Variants in TACC2 observed in about 807,000 individuals in gnomAD.
TACC2 encodes transforming acidic coiled-coil-containing protein 2.
Under a neutral mutation model 227.3 loss-of-function variants are expected in TACC2, and 137 were observed. The ratio of observed to expected loss-of-function variants is 0.60; its 90% CI spans 0.52 to 0.69. The LOEUF (loss-of-function observed/expected upper bound fraction) is 0.69. Among genes scored for constraint, TACC2 ranks in the 30% least tolerant of loss-of-function variants. The pLI is 0.00. For synonymous variants in TACC2, 1,523 were observed against 1,487.5 expected (o/e 1.02, Z -0.55); for missense variants, 3,470 against 3,694.4 (o/e 0.94, Z 1.57).
Position 122,110,223 on chromosome 10 carries a change from C to G in TACC2, c.5573+21632C>G, listed in dbSNP as rs2083426837. On this transcript the variant is annotated intron_variant, in intron 5 of 22. Transcript: ENST00000369005. Reference sequence around the variant, plus strand: ...AGCCATGGATGCAATTTCTAAGGCACGTGTTGCTGCCTGCAAGTCAGTCTT... The same window carrying G: ...AGCCATGGATGCAATTTCTAAGGCAGGTGTTGCTGCCTGCAAGTCAGTCTT... 2.0e-5 allele frequency among the ~76,000 whole-genome samples: 3 copies of G among 152,178 alleles called. 1 individual carries two copies. The highest frequency in any genetic ancestry group is 2.0e-4 in the Admixed American group (3 of 15,272).
chr10:122,172,513 C>A (rs151238936), intron 7 of TACC2, among the ~76,000 whole-genome samples: 5 of 152,320 alleles, frequency 3.3e-5, no homozygotes, highest in Non-Finnish European at 7.4e-5. Context: ...GCACATTGTT[C>A]ATTGTTCTGC....
chr10:122,126,354 T>A (rs2086875715), intron 5 of TACC2, among the ~76,000 whole-genome samples: 1 of 47,918 alleles, frequency 2.1e-5, no homozygotes. Flanking sequence ...GTGTTTGATG[T>A]TCAAATAGTC....
At chr10:122,139,728 C>T (rs923314471) in intron 6 of TACC2, among the ~76,000 whole-genome samples, 3 of 152,148 alleles carry the variant, frequency 2.0e-5, no homozygotes, top group Non-Finnish European at 2.9e-5. Flanking sequence ...AATCAAGAGG[C>T]CTGGGAGGAA....
intron 18 of TACC2, among the ~76,000 whole-genome samples, chr10:122,239,794 G>A (rs2095945223): frequency 6.6e-6 from 1 of 152,180 alleles, no homozygotes; most frequent in Non-Finnish European, 1.5e-5. Flanking sequence ...TGGTGCAGAT[G>A]TACCGGCATT....
chr10:122,236,788 C>G (rs929888758), intron 16 of TACC2, among the ~76,000 whole-genome samples: 1 of 152,202 alleles, frequency 6.6e-6, no homozygotes, highest in Non-Finnish European at 1.5e-5. Flanking sequence ...AGAACTCTTA[C>G]ATAACTCTAA....
chr10:121,992,113 A>C (rs1227150242), intron 1 of TACC2, among the ~76,000 whole-genome samples: 1 of 152,196 alleles, frequency 6.6e-6, no homozygotes, highest in Non-Finnish European at 1.5e-5. Context: ...GCCAAACTGC[A>C]TCACCATTTC....
At chr10:122,047,008 A>G (rs572381602) in intron 2 of TACC2, among the ~76,000 whole-genome samples, 1 of 152,270 alleles carries the variant, frequency 6.6e-6, no homozygotes, top group African/African-American at 2.4e-5. Context: ...TAGATAAAGA[A>G]TCTTGGCCGG....
chr10:122,222,579 A>C (rs2095542624), intron 11 of TACC2, among the ~76,000 whole-genome samples: 3 of 152,228 alleles, frequency 2.0e-5, no homozygotes, highest in African/African-American at 4.8e-5. Flanking sequence ...GACACAGGAC[A>C]GTGGGAAGGG....
At chr10:122,157,576 C>G (rs2092568667) in intron 7 of TACC2, among the ~76,000 whole-genome samples, 1 of 151,722 alleles carries the variant, frequency 6.6e-6, no homozygotes, top group Non-Finnish European at 1.5e-5. Flanking sequence ...TAGTGGTTGC[C>G]CTTTTTGCTT....
intron 16 of TACC2, among the ~76,000 whole-genome samples, chr10:122,233,349 C>G (rs2141509265): frequency 6.6e-6 from 1 of 152,302 alleles, no homozygotes; most frequent in Non-Finnish European, 1.5e-5. Context: ...GGCTGTGGGC[C>G]TTTCTGGATT....
rs188251484 is a variant in TACC2 at position 122,229,992 on chromosome 10, A to G, written c.8038-359A>G. Among the ~76,000 whole-genome samples, 34 of 152,344 alleles carry G rather than the reference A, an allele frequency of 2.2e-4. No individual in the cohort carries two copies. The East Asian group carries it at 6.0e-3, about 27-fold the overall frequency. ...AAACCTAGAGAGATTGTTAACAGCCATCTGAGAGATGCAGCTCCATTCATG... is the reference window on the plus strand; with the variant it reads ...AAACCTAGAGAGATTGTTAACAGCCGTCTGAGAGATGCAGCTCCATTCATG... On this transcript the variant is annotated intron_variant, in intron 15 of 22. Transcript: ENST00000369005.
chr10:122,196,554 C>T (rs2094572106), intron 8 of TACC2, among the ~76,000 whole-genome samples: 1 of 152,172 alleles, frequency 6.6e-6, no homozygotes, highest in African/African-American at 2.4e-5. Flanking sequence ...TGCATCTCTT[C>T]CTTTATTTTG....
At chr10:122,121,421 G>C (rs764950425) in intron 5 of TACC2, among the ~76,000 whole-genome samples, 3 of 152,182 alleles carry the variant, frequency 2.0e-5, no homozygotes, top group Admixed American at 6.5e-5. Context: ...TTTCAAGGTT[G>C]TACAGCTCTT....
intron 7 of TACC2, among the ~76,000 whole-genome samples, chr10:122,171,275 G>T (rs952911393): frequency 6.6e-6 from 1 of 152,028 alleles, no homozygotes; most frequent in Non-Finnish European, 1.5e-5. Flanking sequence ...AAATGGAAGT[G>T]GATGGATGCA....
chr10:122,082,650 T>G lies in TACC2; in HGVS notation c.150T>G (p.Ile50Met). The part of the protein sequence containing the change: ...GSPDHRDASS[I>M]GSVGLGGFCT... ...ATGAAACATTAAATATTTTCAGCAT[T>G]GGCAGCGTTGGGCTTGGAGGCTTCT... The change falls in exon 4 of 23, where the codon ATT becomes ATG. Residue 50 changes from isoleucine to methionine, a missense_variant. By Grantham distance (10) the Ile-to-Met change is conservative (BLOSUM62 1). Coordinates refer to ENST00000369005, the MANE Select transcript of TACC2 (RefSeq NM_206862.4). 6.2e-7 allele frequency: 1 copy of G among 1,603,652 alleles called. No homozygotes were observed. The highest frequency in any genetic ancestry group is 8.5e-7 in the Non-Finnish European group (1 of 1,173,780).
In TACC2 at chr10:122,246,251, A is replaced by G. The variant is rs186820611; in HGVS notation, c.8393-2392A>G. On this transcript the variant is annotated intron_variant, in intron 19 of 22. Coordinates refer to ENST00000369005, the MANE Select transcript of TACC2 (RefSeq NM_206862.4). ...AAGCCCTTCAGCTGAATAAATCCAC[A>G]CTCACGTGGGAGAGTTTTTGGAAAT... Among the ~76,000 whole-genome samples the G allele has an allele frequency of 2.6e-4, 40 of 152,068 alleles. 1 individual carries two copies. The highest frequency in any genetic ancestry group is 3.7e-4 in the Non-Finnish European group (25 of 68,000).
chr10:122,014,382 T>C (rs1591047038), intron 1 of TACC2, among the ~76,000 whole-genome samples: 1 of 152,214 alleles, frequency 6.6e-6, no homozygotes, highest in South Asian at 2.1e-4. Context: ...GCTAATTTTT[T>C]GTATTTTTAG....
chr10:122,122,393 C>G (rs964148707), intron 5 of TACC2, among the ~76,000 whole-genome samples: 3 of 151,904 alleles, frequency 2.0e-5, no homozygotes, highest in Non-Finnish European at 4.4e-5. Context: ...TGTCTGCCTT[C>G]TTCATAGCAG....
chr10:122,093,043 G>A (rs1292818760), intron 5 of TACC2, among the ~76,000 whole-genome samples: 1 of 151,704 alleles, frequency 6.6e-6, no homozygotes, highest in Admixed American at 6.6e-5. Context: ...ATATCACCAA[G>A]CTTGTCGTTG....
Sources: allele counts gnomAD v4.1 joint callset (sites outside exome capture counted in the v4.1 genomes callset), GRCh38; gene constraint gnomAD v4.1.1; transcripts MANE v1.5; gene names NCBI Gene and HGNC (gene_info 2026-07-23, HGNC 2026-07-21).